Variants in NFIB observed in about 807,000 individuals in gnomAD.
NFIB encodes nuclear factor I B.
NFIB carries 11 observed loss-of-function variants against 61.5 expected under a neutral mutation model. The observed-to-expected ratio is 0.18, with a 90% confidence interval of 0.11 to 0.30. The LOEUF (loss-of-function observed/expected upper bound fraction) is 0.30. NFIB is among the 10% of genes least tolerant of loss of function. The pLI, the probability that NFIB is intolerant of heterozygous loss-of-function variation, is 1.00. For missense variants in NFIB, 471 were observed against 608.9 expected (o/e 0.77, Z 2.38); for synonymous variants, 260 against 216.5 (o/e 1.20, Z -1.76).
At chr9:14,456,296 T>C in the NFIB span, among the ~76,000 whole-genome samples, 1 of 151,978 alleles carries the variant, frequency 6.6e-6, no homozygotes, top group Non-Finnish European at 1.5e-5. Flanking sequence ...CTTTTAAAGC[T>C]ATGACACAGA....
At position 14,238,366 on chromosome 9, in the gene NFIB, C is replaced by T. The variant is rs1343992812; in HGVS notation, c.563-58586G>A. On this transcript the variant is annotated intron_variant, in intron 2 of 10. Coordinates refer to ENST00000380953, the MANE Select transcript of NFIB (RefSeq NM_001190737.2). ...GGGGCTACAAATATAAATGAGACTACTCAAGAGAGACAGTCTTGTGAAGAG... is the reference window on the plus strand; with the variant it reads ...GGGGCTACAAATATAAATGAGACTATTCAAGAGAGACAGTCTTGTGAAGAG... Among the ~76,000 whole-genome samples the T allele has an allele frequency of 3.9e-5, 6 of 152,238 alleles. No individual in the cohort carries two copies. In the East Asian group the frequency reaches 1.2e-3, roughly 29 times the overall value.
chr9:14,325,465 T>C (rs1019423252), intron 1 of NFIB, among the ~76,000 whole-genome samples: 1 of 152,148 alleles, frequency 6.6e-6, no homozygotes, highest in Admixed American at 6.5e-5. Context: ...TCTGTGTATA[T>C]TTATCTTTGA....
At chr9:14,457,046 T>A in the NFIB span, among the ~76,000 whole-genome samples, 1 of 152,150 alleles carries the variant, frequency 6.6e-6, no homozygotes, top group Non-Finnish European at 1.5e-5. Context: ...TAAAAAGACA[T>A]TCAAATAAAA....
the NFIB span, among the ~76,000 whole-genome samples, chr9:14,441,020 G>A: frequency 6.6e-6 from 1 of 151,176 alleles, no homozygotes; most frequent in African/African-American, 2.4e-5. Flanking sequence ...AGGTTTATAA[G>A]ATGAAGCCAG....
At chr9:14,339,892 C>T (rs537842555) in intron 1 of NFIB, among the ~76,000 whole-genome samples, 2 of 152,300 alleles carry the variant, frequency 1.3e-5, no homozygotes, top group East Asian at 3.9e-4. Context: ...CAGTGGCATG[C>T]AGGAGTAAGT....
chr9:14,392,714 G>C (rs1259816544), intron 1 of NFIB, among the ~76,000 whole-genome samples: 2 of 147,770 alleles, frequency 1.4e-5, no homozygotes, highest in Non-Finnish European at 2.9e-5. Context: ...GCAAGACCTT[G>C]TCTCAAAAAA....
the NFIB span, among the ~76,000 whole-genome samples, chr9:14,472,803 C>T: frequency 1.3e-5 from 2 of 151,694 alleles, no homozygotes; most frequent in East Asian, 2.0e-4. Context: ...ATCGAGCCAA[C>T]GCACTGCAGC....
At chr9:14,480,336 C>T in the NFIB span, among the ~76,000 whole-genome samples, 194 of 152,214 alleles carry the variant, frequency 1.3e-3, 2 homozygotes, top group Middle Eastern at 0.014. Flanking sequence ...CTTCTTGACC[C>T]AGTCAAAAGC....
chr9:14,112,679 G>A (rs2037550981), intron 10 of NFIB, among the ~76,000 whole-genome samples: 1 of 152,156 alleles, frequency 6.6e-6, no homozygotes, highest in South Asian at 2.1e-4. Flanking sequence ...TGCAGTTTTT[G>A]TCTTTGAAAG....
chr9:14,449,901 C>T, the NFIB span, among the ~76,000 whole-genome samples: 3 of 152,178 alleles, frequency 2.0e-5, no homozygotes, highest in African/African-American at 7.2e-5. Context: ...CGCCACTGCA[C>T]TCCAGCCTGG....
At chr9:14,195,029 G>T (rs1221732213) in intron 2 of NFIB, among the ~76,000 whole-genome samples, 1 of 151,974 alleles carries the variant, frequency 6.6e-6, no homozygotes, top group Non-Finnish European at 1.5e-5. Flanking sequence ...CCTGACCCTG[G>T]AAGGAAATCC....
chr9:14,155,981 C>T lies in NFIB; in HGVS notation c.617-88G>A. 4 of 775,882 alleles carry T rather than the reference C, an allele frequency of 5.2e-6. No individual in the cohort carries two copies. 48.1% of individuals were successfully genotyped at this position (775,882 alleles called of 1,614,324 possible). On this transcript the variant is annotated intron_variant, in intron 3 of 10. Coordinates refer to ENST00000380953, the MANE Select transcript of NFIB (RefSeq NM_001190737.2). ...CACTAGAATTTAAGTGTTTTAAAGC[C>T]AATGGTTTGAACAAAAACCAAATAT...
intron 6 of NFIB, among the ~76,000 whole-genome samples, chr9:14,134,888 A>G (rs2040831249): frequency 7.7e-6 from 1 of 129,212 alleles, no homozygotes; most frequent in South Asian, 2.5e-4. Flanking sequence ...ACAGGGCGAG[A>G]CTCTGTCTCA....
chr9:14,225,372 G>C (rs1166139728), intron 2 of NFIB, among the ~76,000 whole-genome samples: 1 of 149,034 alleles, frequency 6.7e-6, no homozygotes, highest in African/African-American at 2.5e-5. Context: ...CAGGAGAATG[G>C]CGTGAACCCG....
intron 2 of NFIB, among the ~76,000 whole-genome samples, chr9:14,261,957 C>G (rs934633276): frequency 2.0e-5 from 3 of 152,134 alleles, no homozygotes; most frequent in African/African-American, 7.2e-5. Context: ...CAGAGGATTG[C>G]AAGGCAGGAG....
chr9:14,210,350 T>A (rs2050181974), intron 2 of NFIB, among the ~76,000 whole-genome samples: 1 of 152,148 alleles, frequency 6.6e-6, no homozygotes, highest in Non-Finnish European at 1.5e-5. Flanking sequence ...ACTCTAGAGA[T>A]AAAAGTTCTT....
intron 6 of NFIB, among the ~76,000 whole-genome samples, chr9:14,138,045 T>A (rs1292294621): frequency 6.6e-6 from 1 of 152,128 alleles, no homozygotes; most frequent in East Asian, 1.9e-4. Flanking sequence ...TATATAGCAA[T>A]AACGAGCATG....
At chr9:14,234,345 G>A (rs1038284082) in intron 2 of NFIB, among the ~76,000 whole-genome samples, 1 of 151,374 alleles carries the variant, frequency 6.6e-6, no homozygotes, top group Non-Finnish European at 1.5e-5. Flanking sequence ...ATTGATAAGA[G>A]GAGGCATGTA....
At chr9:14,427,954 T>TTTTTTTG in the NFIB span, among the ~76,000 whole-genome samples, 2 of 117,590 alleles carry the variant, frequency 1.7e-5, no homozygotes, top group East Asian at 2.6e-4. Context: ...TTTTTTTTTT[T>TTTTTTTG]TTTTTTTTTT....
Sources: gnomAD v4.1 joint callset for allele counts (sites outside exome capture counted in the v4.1 genomes callset) on GRCh38, gnomAD v4.1.1 for gene constraint, MANE v1.5 for transcripts, NCBI Gene and HGNC (gene_info 2026-07-23, HGNC 2026-07-21) for gene names.